Variants in TCF7 observed in about 807,000 individuals in gnomAD.
TCF7 encodes transcription factor 7.
TCF7 carries 19 observed loss-of-function variants against 46.8 expected under a neutral mutation model. That is an observed-to-expected ratio of 0.41 (90% CI 0.28 to 0.60). TCF7 has a LOEUF of 0.60. TCF7 is among the 20% of genes least tolerant of loss of function. The pLI is 0.35. For missense variants in TCF7, 547 were observed against 504.6 expected, an observed-to-expected ratio of 1.08 and a Z score of -0.81; for synonymous variants, 245 against 213.4, an observed-to-expected ratio of 1.15 and a Z score of -1.29.
At chr5:134,131,894 C>T (rs544288400) in intron 3 of TCF7, among the ~76,000 whole-genome samples, 5 of 152,346 alleles carry the variant, frequency 3.3e-5, no homozygotes, top group African/African-American at 1.2e-4. Flanking sequence ...ATGGCTGTGC[C>T]GTGGTGAGCA....
chr5:134,138,669 A>G, intron 4 of TCF7: 1 of 407,776 alleles, frequency 2.5e-6, no homozygotes, highest in Non-Finnish European at 4.4e-6. Flanking sequence ...TCCCCCGAGC[A>G]GAGATGCCCC....
intron 3 of TCF7, among the ~76,000 whole-genome samples, chr5:134,122,907 G>C (rs557817918): frequency 6.6e-6 from 1 of 152,230 alleles, no homozygotes; most frequent in Non-Finnish European, 1.5e-5. Context: ...AGGCCCCTTA[G>C]AGGAGTGGTC....
At position 134,147,993 on chromosome 5, in the gene TCF7, A is replaced by G. The variant is rs1389232603; in HGVS notation, c.*1690A>G. 6.6e-6 allele frequency: 1 copy of G among 151,690 alleles called. No homozygotes were observed. Among genetic ancestry groups the G allele is most frequent in the Non-Finnish European group, 1.5e-5 (1 of 67,844 alleles). 9.4% of individuals were successfully genotyped at this position (151,690 alleles called of 1,614,324 possible). ...CATCTCAAAAAAAAAAAAAAAAAAAAAAAAGGGCTGTCCATGTATTCACAC... is the reference window on the plus strand; with the variant it reads ...CATCTCAAAAAAAAAAAAAAAAAAAGAAAAGGGCTGTCCATGTATTCACAC... On this transcript the variant is annotated 3_prime_UTR_variant, in exon 10 of 10. Coordinates refer to ENST00000342854, the MANE Select transcript of TCF7 (RefSeq NM_003202.5).
chr5:134,136,610 T>C (rs1758897856), intron 3 of TCF7, among the ~76,000 whole-genome samples: 1 of 152,178 alleles, frequency 6.6e-6, no homozygotes, highest in South Asian at 2.1e-4. Context: ...GCAGGGCTTA[T>C]ACCCAGCCTT....
chr5:134,115,589 A>G, intron 2 of TCF7: 5 of 1,439,898 alleles, frequency 3.5e-6, no homozygotes, highest in Non-Finnish European at 4.6e-6. Context: ...CCTTTATAGG[A>G]GTAAACAGAC....
intron 9 of TCF7, chr5:134,143,878 ATGGTGCGT>A (rs1398335904): frequency 4.3e-5 from 23 of 540,410 alleles, no homozygotes; most frequent in South Asian, 1.7e-4. Context: ...ATTGGAGTAG[ATGGTGCGT>A]TCCTCTGCCT....
chr5:134,108,484 C>T, the TCF7 span, among the ~76,000 whole-genome samples: 1 of 152,150 alleles, frequency 6.6e-6, no homozygotes, highest in African/African-American at 2.4e-5. Flanking sequence ...TTACCCTGCC[C>T]ACCACATCCC....
intron 2 of TCF7, 193 bp downstream of exon 2, chr5:134,115,580 C>T: frequency 1.4e-6 from 2 of 1,442,594 alleles, no homozygotes; most frequent in Non-Finnish European, 1.8e-6. Context: ...GTGCCCTGAC[C>T]TTTATAGGAG....
chr5:134,122,984 G>T (rs534406843), intron 3 of TCF7, among the ~76,000 whole-genome samples: 1 of 152,200 alleles, frequency 6.6e-6, no homozygotes, highest in Non-Finnish European at 1.5e-5. Context: ...TTGGCTGGGT[G>T]GCCCTGGGTG....
chr5:134,114,528 C>G (rs1755522315), upstream of TCF7, among the ~76,000 whole-genome samples: 1 of 152,004 alleles, frequency 6.6e-6, no homozygotes, highest in Non-Finnish European at 1.5e-5. Context: ...CAGGCTTGTC[C>G]GACGTCTCTC....
At chr5:134,118,209 TGG>T (rs1756090589) in intron 3 of TCF7, among the ~76,000 whole-genome samples, 1 of 152,238 alleles carries the variant, frequency 6.6e-6, no homozygotes, top group Non-Finnish European at 1.5e-5. Context: ...CTTCTTTTCT[TGG>T]GTCAGGAGCC....
Position 134,143,059 on chromosome 5 carries a change from C to T in TCF7, c.985C>T (p.His329Tyr). 6.2e-7 allele frequency: 1 copy of T among 1,611,158 alleles called. No homozygotes were observed. The highest frequency in any genetic ancestry group is 8.5e-7 in the Non-Finnish European group (1 of 1,178,690). ...GCTGGCCCGCAAGGAGAGGCAGCTG[C>T]ACATGCAGCTATACCCAGGCTGGTC... The part of the protein sequence containing the change: ...YELARKERQL[H>Y]MQLYPGWSAR... Residue 329 changes from histidine to tyrosine, a missense_variant, in exon 8 of 10, where the codon CAC becomes TAC. Coordinates refer to ENST00000342854, the MANE Select transcript of TCF7 (RefSeq NM_003202.5).
chr5:134,137,911 C>T (rs1759135069), intron 3 of TCF7, 148 bp from the exon 4 acceptor site: 1 of 597,854 alleles, frequency 1.7e-6, no homozygotes, highest in African/African-American at 1.9e-5. Context: ...GTACTGGACA[C>T]TGTGACTTGA....
upstream of TCF7, among the ~76,000 whole-genome samples, chr5:134,113,601 C>G (rs1755405448): frequency 6.6e-6 from 1 of 152,258 alleles, no homozygotes; most frequent in African/African-American, 2.4e-5. Context: ...AGCACAGAAA[C>G]CTGCTAGGGG....
intron 6 of TCF7, 124 bp from the exon 7 acceptor site, chr5:134,142,597 G>T: frequency 1.5e-6 from 2 of 1,313,094 alleles, no homozygotes; most frequent in South Asian, 3.0e-5. Context: ...AGCTAGGAAA[G>T]ATTCCACTTA....
At chr5:134,113,433 C>G (rs1037239719), upstream of TCF7, among the ~76,000 whole-genome samples, 8 of 152,244 alleles carry the variant, frequency 5.3e-5, no homozygotes, top group African/African-American at 1.7e-4. Flanking sequence ...TGGGCCTGGA[C>G]CCGGAGGGAG....
chr5:134,123,367 C>T (rs2149291014), intron 3 of TCF7, among the ~76,000 whole-genome samples: 1 of 152,360 alleles, frequency 6.6e-6, no homozygotes, highest in Middle Eastern at 3.4e-3. Context: ...ATGTGGCGGG[C>T]TCCCTCTGCC....
chr5:134,123,452 A>G (rs1756880875), intron 3 of TCF7, among the ~76,000 whole-genome samples: 1 of 152,084 alleles, frequency 6.6e-6, no homozygotes, highest in African/African-American at 2.4e-5. Flanking sequence ...ATTCTGCTGG[A>G]GTTGGGAAAA....
the TCF7 span, among the ~76,000 whole-genome samples, chr5:134,108,557 G>A: frequency 6.6e-6 from 1 of 152,176 alleles, no homozygotes; most frequent in Non-Finnish European, 1.5e-5. Flanking sequence ...TGGAATAAGA[G>A]GGTGAGCTTT....
Sources: gnomAD v4.1 joint callset for allele counts (sites outside exome capture counted in the v4.1 genomes callset) on GRCh38, gnomAD v4.1.1 for gene constraint, MANE v1.5 for transcripts, NCBI Gene and HGNC (gene_info 2026-07-23, HGNC 2026-07-21) for gene names.